The following PAWR variants were observed in gnomAD, a reference collection of about 807,000 sequenced individuals.
PAWR encodes PRKC apoptosis WT1 regulator protein.
In PAWR, 23 loss-of-function variants were observed where a neutral mutation model predicts 32.0. The ratio of observed to expected loss-of-function variants is 0.72; its 90% CI spans 0.52 to 1.02. The LOEUF (loss-of-function observed/expected upper bound fraction) is 1.02. PAWR is among the 50% of genes least tolerant of loss of function. The pLI, the probability that PAWR is intolerant of heterozygous loss-of-function variation, is 0.00. For missense variants in PAWR, 457 were observed against 437.7 expected (o/e 1.04, Z -0.39); for synonymous variants, 226 against 187.1 (o/e 1.21, Z -1.70).
At chr12:79,632,328 TATATATATATATATATATATATATATA>T (rs1875705613) in intron 2 of PAWR, among the ~76,000 whole-genome samples, 2 of 34,240 alleles carry the variant, frequency 5.8e-5, no homozygotes, top group African/African-American at 7.7e-4. Flanking sequence ...TATATATATA[TATATATATATATATATATATATATATA>T]TATATATTTT....
rs1414861473 is a variant in PAWR at position 79,588,392 on chromosome 12, A to C, written c.*4215T>G. 1 of 151,988 alleles carries C rather than the reference A, an allele frequency of 6.6e-6. No individual in the cohort carries two copies. The highest frequency in any genetic ancestry group is 1.5e-5 in the Non-Finnish European group (1 of 67,868). The allele number at this position is 151,988 out of a possible 1,614,324, so 9.4% of individuals were successfully genotyped here. On this transcript the variant is annotated 3_prime_UTR_variant, in exon 7 of 7. Transcript: ENST00000328827. The stretch of plus-strand genomic sequence containing the variant: ...TTTCATCACTGCTATAAATTCCTTA[A>C]AAGTGTTCTTTTCCTAATTAACATT...
chr12:79,627,770 T>C (rs569022776), intron 2 of PAWR, among the ~76,000 whole-genome samples: 1 of 152,252 alleles, frequency 6.6e-6, no homozygotes, highest in Admixed American at 6.5e-5. Flanking sequence ...ATCCTAAATA[T>C]ATATGCACCC....
At chr12:79,688,872 G>A (rs1480641813) in intron 2 of PAWR, among the ~76,000 whole-genome samples, 1 of 152,184 alleles carries the variant, frequency 6.6e-6, no homozygotes, top group African/African-American at 2.4e-5. Context: ...TACTATCAAA[G>A]TAATCAAAAC....
intron 2 of PAWR, among the ~76,000 whole-genome samples, chr12:79,674,155 C>T (rs1166764100): frequency 2.6e-5 from 4 of 152,000 alleles, no homozygotes; most frequent in Admixed American, 6.5e-5. Flanking sequence ...CTTCACTATA[C>T]GACAAGGCTA....
At chr12:79,614,301 C>T (rs1487954657) in intron 3 of PAWR, among the ~76,000 whole-genome samples, 4 of 151,440 alleles carry the variant, frequency 2.6e-5, no homozygotes, top group African/African-American at 9.7e-5. Context: ...TGAGCCACTG[C>T]GCCCGGCCTT....
chr12:79,661,643 G>A (rs1401211070), intron 2 of PAWR, among the ~76,000 whole-genome samples: 2 of 152,020 alleles, frequency 1.3e-5, no homozygotes, highest in Non-Finnish European at 2.9e-5. Flanking sequence ...ATTAAAACTA[G>A]GAAATCTTCA....
At chr12:79,671,865 C>G (rs1436408354) in intron 2 of PAWR, among the ~76,000 whole-genome samples, 5 of 152,024 alleles carry the variant, frequency 3.3e-5, no homozygotes, top group Non-Finnish European at 7.4e-5. Context: ...CCCAGGAGCT[C>G]AAAGCCAGCG....
intron 2 of PAWR, among the ~76,000 whole-genome samples, chr12:79,659,583 T>C (rs1317676384): frequency 6.6e-6 from 1 of 152,196 alleles, no homozygotes; most frequent in Non-Finnish European, 1.5e-5. Context: ...AAAGTGTTAA[T>C]AAAATTTTTC....
At chr12:79,606,004 G>A (rs1047245833) in intron 4 of PAWR, among the ~76,000 whole-genome samples, 4 of 152,106 alleles carry the variant, frequency 2.6e-5, no homozygotes, top group South Asian at 2.1e-4. Flanking sequence ...AACCCACAAC[G>A]CGGGGGTTGC....
intron 4 of PAWR, among the ~76,000 whole-genome samples, chr12:79,611,382 A>G (rs1874435899): frequency 6.7e-6 from 1 of 150,296 alleles, no homozygotes; most frequent in South Asian, 2.1e-4. Context: ...GTTTACTGAA[A>G]ATATTTTCTT....
intron 2 of PAWR, among the ~76,000 whole-genome samples, chr12:79,678,802 CATA>C (rs2136874706): frequency 6.6e-6 from 1 of 151,426 alleles, no homozygotes; most frequent in East Asian, 1.9e-4. Flanking sequence ...AGACCTAAAG[CATA>C]ATACCACCTC....
rs1878953095 is a variant in PAWR at position 79,690,377 on chromosome 12, C to T, written c.-133G>A. 3 of 1,348,246 alleles carry T rather than the reference C, an allele frequency of 2.2e-6. No individual in the cohort carries two copies. Among genetic ancestry groups the T allele is most frequent in the Admixed American group, 3.9e-5 (1 of 25,968 alleles). The allele number at this position is 1,348,246 out of a possible 1,614,324, so 83.5% of individuals were successfully genotyped here. On this transcript the variant is annotated 5_prime_UTR_variant, in exon 2 of 7. In the 5' UTR this introduces an upstream ATG that the reference lacks. Transcript: ENST00000328827. Reference sequence around the variant, plus strand: ...AGGAGAGGGACGGCCGCCGCTCCCACAGCAGCCGGCGGGGCTGAGGTGAAA... The same window carrying T: ...AGGAGAGGGACGGCCGCCGCTCCCATAGCAGCCGGCGGGGCTGAGGTGAAA...
intron 2 of PAWR, 143 bp downstream of exon 2, chr12:79,689,586 C>T: frequency 3.3e-6 from 3 of 899,384 alleles, no homozygotes; most frequent in Non-Finnish European, 4.9e-6. Context: ...AACTCCATCA[C>T]CCCCTGCCTG....
chr12:79,681,695 CT>C (rs201988287), intron 2 of PAWR, among the ~76,000 whole-genome samples: 19 of 151,720 alleles, frequency 1.3e-4, no homozygotes, highest in African/African-American at 3.9e-4. Flanking sequence ...AACACACTGC[CT>C]TTTTTTTAAC....
Position 79,679,623 on chromosome 12 carries a change from C to T in PAWR, c.516+10106G>A, listed in dbSNP as rs7971006. On this transcript the variant is annotated intron_variant, in intron 2 of 6. Transcript: ENST00000328827. ...AAGTAAGAGGTAATAAAATAAAATC[C>T]CTGATACGGCAGTAGTATTAGCCTG... is the stretch of plus-strand genomic sequence containing the variant. Among the ~76,000 whole-genome samples the T allele has an allele frequency of 6.5e-3, 989 of 152,154 alleles. 10 individuals are homozygous for T. The highest frequency in any genetic ancestry group is 0.019 in the African/African-American group (809 of 41,532).
chr12:79,596,409 A>G, intron 5 of PAWR, 102 bp downstream of exon 5: 2 of 615,232 alleles, frequency 3.3e-6, no homozygotes, highest in Non-Finnish European at 5.5e-6. Context: ...CACATATTAA[A>G]TATTAAGGAA....
At chr12:79,624,672 G>A (rs1875192273) in intron 2 of PAWR, among the ~76,000 whole-genome samples, 1 of 152,082 alleles carries the variant, frequency 6.6e-6, no homozygotes, top group Non-Finnish European at 1.5e-5. Flanking sequence ...TTTCTAACTG[G>A]GATAAATACA....
chr12:79,618,563 C>T (rs1874855617), intron 3 of PAWR, among the ~76,000 whole-genome samples: 1 of 152,118 alleles, frequency 6.6e-6, no homozygotes. Context: ...ACTTTGCACC[C>T]ATTGGCCAAT....
chr12:79,652,345 T>C (rs543164473), intron 2 of PAWR, among the ~76,000 whole-genome samples: 1 of 152,302 alleles, frequency 6.6e-6, no homozygotes, highest in South Asian at 2.1e-4. Flanking sequence ...ACAGCATTAG[T>C]GGAATTAAAA....
Sources: allele counts gnomAD v4.1 joint callset (sites outside exome capture counted in the v4.1 genomes callset), GRCh38; gene constraint gnomAD v4.1.1; transcripts MANE v1.5; gene names NCBI Gene and HGNC (gene_info 2026-07-23, HGNC 2026-07-21).